The following SVOPL variants were observed in gnomAD, a reference collection of about 807,000 sequenced individuals.
The protein encoded by SVOPL is SVOP like.
In SVOPL, 60 loss-of-function variants were observed where a neutral mutation model predicts 61.0. The observed-to-expected ratio is 0.98, with a 90% CI of 0.80 to 1.22. The LOEUF (loss-of-function observed/expected upper bound fraction) is 1.22. Ranked by LOEUF, SVOPL falls within the 50% of genes most tolerant of loss-of-function variation. The pLI is 0.00. For missense variants in SVOPL, 662 were observed against 643.9 expected, an observed-to-expected ratio of 1.03 and a Z score of -0.30; for synonymous variants, 279 against 250.0, an observed-to-expected ratio of 1.12 and a Z score of -1.09.
chr7:138,618,988 A>G (rs35879025), intron 14 of SVOPL, among the ~76,000 whole-genome samples: 101,444 of 151,958 alleles, frequency 0.67, 34,837 homozygotes, highest in East Asian at 0.99. Flanking sequence ...CAACAGCAGC[A>G]TAGCCTCTGG....
intron 4 of SVOPL, among the ~76,000 whole-genome samples, chr7:138,668,172 C>T (rs1032261988): frequency 6.6e-6 from 1 of 152,064 alleles, no homozygotes; most frequent in Non-Finnish European, 1.5e-5. Context: ...AAGAGGAAAG[C>T]GTCAATTCCC....
chr7:138,700,335 C>CTTT lies in SVOPL; in HGVS notation c.-35+840_-35+842dup, dbSNP rs776461183. Among the ~76,000 whole-genome samples the CTTT allele has an allele frequency of 2.9e-3, 294 of 99,756 alleles. 12 individuals carry two copies. The highest frequency in any genetic ancestry group is 3.5e-3 in the South Asian group (9 of 2,546). The allele number at this position is 99,756 out of a possible 152,430, so 65.4% of individuals were successfully genotyped here. ...TACTCTGTTCTTTGGTTCCGTATGTCTTTTTTTTTTTTTTTTTTTTTGAGA... is the reference window on the plus strand; with the variant it reads ...TACTCTGTTCTTTGGTTCCGTATGTCTTTTTTTTTTTTTTTTTTTTTTTTGAGA... On this transcript the variant is annotated intron_variant, in intron 1 of 15. Transcript: ENST00000674285.
chr7:138,698,448 C>T (rs1274180766), intron 1 of SVOPL, among the ~76,000 whole-genome samples: 1 of 152,094 alleles, frequency 6.6e-6, no homozygotes, highest in Non-Finnish European at 1.5e-5. Flanking sequence ...GGTGGCTGGC[C>T]CTCTGGCTGG....
rs59400217 is a variant in SVOPL at position 138,602,441 on chromosome 7, CTATATATATATATA to C, written c.1354-5925_1354-5912del. Among the ~76,000 whole-genome samples, 43 of 140,748 alleles carry C rather than the reference CTATATATATATATA, an allele frequency of 3.1e-4. No individual in the cohort carries two copies. In the East Asian group the frequency reaches 5.4e-3, roughly 18 times the overall value. The allele number at this position is 140,748 out of a possible 152,430, so 92.3% of individuals were successfully genotyped here. ...GATTATTAGTGAGAAAAGGCAGTTG[CTATATATATATATA>C]TATATATATATATATATATATGTAG... On this transcript the variant is annotated intron_variant, in intron 14 of 15. Transcript: ENST00000674285.
At chr7:138,687,694 GAA>G (rs35163299) in intron 1 of SVOPL, among the ~76,000 whole-genome samples, 4 of 138,028 alleles carry the variant, frequency 2.9e-5, no homozygotes, top group East Asian at 2.1e-4. Flanking sequence ...TCAAGAAGGT[GAA>G]AAAAAAAAAA....
chr7:138,658,720 A>G (rs1354260633), intron 6 of SVOPL, among the ~76,000 whole-genome samples: 3 of 152,220 alleles, frequency 2.0e-5, no homozygotes, highest in African/African-American at 7.2e-5. Flanking sequence ...ACCATCAAGC[A>G]TCATTTTAAG....
chr7:138,683,481 C>T (rs1802742330), intron 1 of SVOPL, among the ~76,000 whole-genome samples: 1 of 152,020 alleles, frequency 6.6e-6, no homozygotes, highest in South Asian at 2.1e-4. Context: ...AATTCTCCTG[C>T]CTCAGCCTCC....
chr7:138,686,568 T>G (rs1192295354), intron 1 of SVOPL, among the ~76,000 whole-genome samples: 4 of 148,638 alleles, frequency 2.7e-5, no homozygotes, highest in Admixed American at 1.3e-4. Context: ...TTGGGTTTTT[T>G]TTTTTTTTTT....
At position 138,687,134 on chromosome 7, in the gene SVOPL, C is replaced by T. The variant is rs545052404; in HGVS notation, c.-34-8055G>A. 4.0e-5 allele frequency among the ~76,000 whole-genome samples: 6 copies of T among 151,224 alleles called. 1 individual carries two copies. In the South Asian group the frequency reaches 1.3e-3, roughly 32 times the overall value. ...GGAGCCTGAAAGTTATGAGGACAGACAATTCTAAAACTACTGCTCCCTTTT... is the reference window on the plus strand; with the variant it reads ...GGAGCCTGAAAGTTATGAGGACAGATAATTCTAAAACTACTGCTCCCTTTT... On this transcript the variant is annotated intron_variant, in intron 1 of 15. Transcript: ENST00000674285.
chr7:138,605,843 C>T (rs746326706), intron 14 of SVOPL, among the ~76,000 whole-genome samples: 23 of 152,156 alleles, frequency 1.5e-4, no homozygotes, highest in Admixed American at 2.6e-4. Context: ...CCCAGCATTG[C>T]GGTCCAGGGC....
chr7:138,610,665 C>T (rs1474653792), intron 14 of SVOPL, among the ~76,000 whole-genome samples: 2 of 152,146 alleles, frequency 1.3e-5, no homozygotes, highest in African/African-American at 4.8e-5. Flanking sequence ...TCCTATGAGC[C>T]CTCTTCTCCA....
In SVOPL at chr7:138,627,377, A is replaced by T. The variant is rs2305816; in HGVS notation, c.1154T>A (p.Phe385Tyr). Residue 385 changes from phenylalanine (F) to tyrosine (Y), a missense_variant, in exon 12 of 16, where the codon TTC becomes TAC. Coordinates refer to ENST00000674285, the MANE Select transcript of SVOPL (RefSeq NM_001139456.2). ...SITMGCTALF[F>Y]LLLNICTSSA... is the part of the protein sequence containing the mutation. ...TGAAGTGCAAATGTTGAGGAGAAGG[A>T]AGAATAAAGCCGTGCATCCCATGGT... 33 of 1,613,012 alleles carry T rather than the reference A, an allele frequency of 2.0e-5. No homozygotes were observed. The highest frequency in any genetic ancestry group is 1.6e-4 in the Middle Eastern group (1 of 6,084).
intron 1 of SVOPL, among the ~76,000 whole-genome samples, chr7:138,699,718 G>C (rs1352332830): frequency 6.6e-6 from 1 of 152,176 alleles, no homozygotes; most frequent in African/African-American, 2.4e-5. Flanking sequence ...AGGCATAGTT[G>C]GTGCAGGGGG....
At chr7:138,610,199 A>G (rs1416963952) in intron 14 of SVOPL, among the ~76,000 whole-genome samples, 2 of 152,196 alleles carry the variant, frequency 1.3e-5, no homozygotes, top group Non-Finnish European at 2.9e-5. Flanking sequence ...CATACGAACA[A>G]AAGATCTTTT....
intron 9 of SVOPL, among the ~76,000 whole-genome samples, chr7:138,630,688 A>C (rs1295528468): frequency 6.6e-6 from 1 of 152,286 alleles, no homozygotes; most frequent in African/African-American, 2.4e-5. Context: ...CACGCCTGTA[A>C]TCCCAGCACT....
chr7:138,596,190 A>T (rs1022968995), intron 15 of SVOPL, among the ~76,000 whole-genome samples: 20 of 96,292 alleles, frequency 2.1e-4, no homozygotes, highest in African/African-American at 4.4e-5. Flanking sequence ...CTCTGTCTTA[A>T]AAAAAAAAAA....
chr7:138,642,287 CA>C (rs79469915), intron 9 of SVOPL, among the ~76,000 whole-genome samples: 8,804 of 111,558 alleles, frequency 0.079, 725 homozygotes, highest in African/African-American at 0.25. Context: ...GGAAATTAGC[CA>C]AAAAAAAAAA....
At chr7:138,616,412 C>A (rs113889081) in intron 14 of SVOPL, among the ~76,000 whole-genome samples, 267 of 151,836 alleles carry the variant, frequency 1.8e-3, no homozygotes, top group African/African-American at 4.9e-3. Context: ...TCTTGACTCA[C>A]CACAAACTCC....
intron 14 of SVOPL, among the ~76,000 whole-genome samples, chr7:138,614,392 CTTT>C (rs528123598): frequency 2.5e-4 from 35 of 137,916 alleles, no homozygotes; most frequent in African/African-American, 6.4e-4. Flanking sequence ...AGCATTTCAA[CTTT>C]TTTTTTTTTT....
Sources: gnomAD v4.1 joint callset for allele counts (sites outside exome capture counted in the v4.1 genomes callset) on GRCh38, gnomAD v4.1.1 for gene constraint, MANE v1.5 for transcripts, NCBI Gene and HGNC (gene_info 2026-07-23, HGNC 2026-07-21) for gene names.